Variants in AGBL1 observed in about 807,000 individuals in gnomAD.
AGBL1 encodes the protein AGBL carboxypeptidase 1, also known as cytosolic carboxypeptidase 4.
A neutral mutation model predicts 118.9 loss-of-function variants in AGBL1; 130 were observed. The observed-to-expected ratio is 1.09, with a 90% CI of 0.95 to 1.26. The LOEUF (loss-of-function observed/expected upper bound fraction) is 1.26, where lower values mean the gene tolerates loss of function less well. Among genes scored for constraint, AGBL1 ranks in the 50% most tolerant of loss-of-function variants. The probability of loss-of-function intolerance (pLI) is 0.00; values close to 1 mark genes in which losing one functional copy is unlikely to be tolerated. For synonymous variants in AGBL1, 555 were observed against 478.9 expected, an observed-to-expected ratio of 1.16 and a Z score of -2.08; for missense variants, 1,584 against 1,298.1, an observed-to-expected ratio of 1.22 and a Z score of -3.38.
chr15:86,724,049 C>A (rs1167126953), intron 22 of AGBL1, among the ~76,000 whole-genome samples: 1 of 151,956 alleles, frequency 6.6e-6, no homozygotes, highest in Non-Finnish European at 1.5e-5. Context: ...TCCTGGCTAA[C>A]ATGGTGAAAA....
At chr15:86,107,248 T>C (rs1897106329) in intron 1 of AGBL1, among the ~76,000 whole-genome samples, 1 of 152,224 alleles carries the variant, frequency 6.6e-6, no homozygotes, top group South Asian at 2.1e-4. Context: ...TGGTTTCTGT[T>C]CTGTTCTTAT....
chr15:86,266,881 C>A, intron 12 of AGBL1, 109 bp from the exon 13 acceptor site: 1 of 979,620 alleles, frequency 1.0e-6, no homozygotes, highest in Non-Finnish European at 1.5e-6. Flanking sequence ...GCCTGGGCAA[C>A]AGAGTGAGAT....
At chr15:86,863,295 C>T (rs2079583785) in intron 22 of AGBL1, among the ~76,000 whole-genome samples, 1 of 152,158 alleles carries the variant, frequency 6.6e-6, no homozygotes, top group Non-Finnish European at 1.5e-5. Flanking sequence ...TGACATTCAC[C>T]CCTAAGGAAC....
intron 22 of AGBL1, among the ~76,000 whole-genome samples, chr15:86,790,152 C>A (rs1368032924): frequency 6.6e-6 from 1 of 152,102 alleles, no homozygotes; most frequent in African/African-American, 2.4e-5. Context: ...CAACCATTTT[C>A]TAATCACAAA....
At chr15:86,381,596 AG>A (rs2081113728) in intron 17 of AGBL1, among the ~76,000 whole-genome samples, 1 of 152,310 alleles carries the variant, frequency 6.6e-6, no homozygotes, top group East Asian at 1.9e-4. Flanking sequence ...ATGCTATGGT[AG>A]AAATTAGGGC....
chr15:86,223,973 G>A (rs756939057), intron 5 of AGBL1, among the ~76,000 whole-genome samples: 19 of 152,132 alleles, frequency 1.2e-4, no homozygotes, highest in Non-Finnish European at 2.4e-4. Flanking sequence ...GGTGTGCAGC[G>A]AGATTCCTGG....
intron 21 of AGBL1, among the ~76,000 whole-genome samples, chr15:86,645,694 C>T (rs931230091): frequency 6.6e-6 from 1 of 152,170 alleles, no homozygotes; most frequent in African/African-American, 2.4e-5. Context: ...ATCAGCTAAT[C>T]AGATTCTCTA....
rs558759963 is a variant in AGBL1 at position 86,242,852 on chromosome 15, C to T, written c.527-4819C>T. Among the ~76,000 whole-genome samples, 68 of 152,314 alleles carry T rather than the reference C, an allele frequency of 4.5e-4. 1 individual carries two copies. The highest frequency in any genetic ancestry group is 8.4e-4 in the Non-Finnish European group (57 of 68,024). On this transcript the variant is annotated intron_variant, in intron 6 of 22. Transcript: ENST00000614907. ...TTATTCAGGACACCAACCACTTTTC[C>T]CCGCCAGCCTGTCATGTGGCCCCAC...
chr15:86,903,572 G>C (rs2080240948), intron 22 of AGBL1, among the ~76,000 whole-genome samples: 1 of 152,086 alleles, frequency 6.6e-6, no homozygotes, highest in African/African-American at 2.4e-5. Flanking sequence ...GTTGAAACTT[G>C]GGCATTTTGA....
At chr15:86,347,001 G>A (rs887155096) in intron 17 of AGBL1, among the ~76,000 whole-genome samples, 7 of 152,072 alleles carry the variant, frequency 4.6e-5, no homozygotes, top group Admixed American at 3.9e-4. Context: ...GAGCTTTGAG[G>A]GCTTTATTAA....
intron 18 of AGBL1, among the ~76,000 whole-genome samples, chr15:86,482,967 T>C (rs1028153792): frequency 1.3e-5 from 2 of 151,902 alleles, no homozygotes; most frequent in African/African-American, 2.4e-5. Flanking sequence ...CTGGGAAACA[T>C]AGCCTCCAGT....
chr15:86,232,489 C>T lies in AGBL1; in HGVS notation c.526+7538C>T, dbSNP rs2078472043. 2.0e-5 allele frequency among the ~76,000 whole-genome samples: 3 copies of T among 152,262 alleles called. No individual in the cohort carries two copies. In the South Asian group the frequency reaches 6.2e-4, roughly 32 times the overall value. On this transcript the variant is annotated intron_variant, in intron 6 of 22. Transcript: ENST00000614907. ...TGTGCTTCCCAGCGTTAGCAGCTTG[C>T]GTGTCTTGAAGGAAATTAGCTGAAG...
intron 18 of AGBL1, among the ~76,000 whole-genome samples, chr15:86,433,760 A>G (rs1335704852): frequency 6.6e-6 from 1 of 152,168 alleles, no homozygotes; most frequent in Non-Finnish European, 1.5e-5. Flanking sequence ...TTGTTAATGT[A>G]TCCACTAATA....
chr15:86,522,371 G>A (rs1402016878), intron 18 of AGBL1, among the ~76,000 whole-genome samples: 1 of 152,160 alleles, frequency 6.6e-6, no homozygotes, highest in African/African-American at 2.4e-5. Context: ...CTTCATTGGG[G>A]TGTTCTAATG....
chr15:86,710,076 G>A (rs937789205), intron 22 of AGBL1, among the ~76,000 whole-genome samples: 1 of 152,152 alleles, frequency 6.6e-6, no homozygotes, highest in Non-Finnish European at 1.5e-5. Context: ...ATAATTTGGA[G>A]GGGATGTGCT....
At chr15:86,372,561 T>C (rs2080985999) in intron 17 of AGBL1, among the ~76,000 whole-genome samples, 1 of 152,278 alleles carries the variant, frequency 6.6e-6, no homozygotes, top group Non-Finnish European at 1.5e-5. Context: ...TCTCCATTCA[T>C]ACATATGCAC....
rs751495857 is a variant in AGBL1 at position 86,546,023 on chromosome 15, C to T, written c.2707C>T (p.His903Tyr). Reference protein sequence around the residue: ...SPVVFCDFHGHSQKKNVFLYG... With the variant: ...SPVVFCDFHGYSQKKNVFLYG... ...GTAGGTTTTCTGTGACTTCCATGGC[C>T]ACTCCCAAAAGAAGAATGTGTTCCT... The change falls in exon 20 of 23, where the codon CAC becomes TAC. Residue 903 changes from histidine to tyrosine, a missense_variant. Coordinates refer to ENST00000614907, the MANE Select transcript of AGBL1 (RefSeq NM_001386094.1). 37 of 1,612,960 alleles carry T rather than the reference C, an allele frequency of 2.3e-5. No individual in the cohort carries two copies. The highest frequency in any genetic ancestry group is 2.9e-5 in the Non-Finnish European group (34 of 1,179,404).
intron 22 of AGBL1, among the ~76,000 whole-genome samples, chr15:86,879,383 G>T (rs1296816958): frequency 6.6e-6 from 1 of 152,102 alleles, no homozygotes; most frequent in African/African-American, 2.4e-5. Flanking sequence ...TTTTGGGAAA[G>T]AACTTACCTG....
intron 20 of AGBL1, among the ~76,000 whole-genome samples, chr15:86,550,648 A>C (rs2083651185): frequency 5.9e-5 from 9 of 152,100 alleles, no homozygotes; most frequent in Admixed American, 5.2e-4. Context: ...GGCATTTAAA[A>C]TTTAATAATA....
Sources: gnomAD v4.1 joint callset for allele counts (sites outside exome capture counted in the v4.1 genomes callset) on GRCh38, gnomAD v4.1.1 for gene constraint, MANE v1.5 for transcripts, NCBI Gene and HGNC (gene_info 2026-07-23, HGNC 2026-07-21) for gene names.